CHODL: variants seen among roughly 807,000 people sequenced by gnomAD.
The protein encoded by CHODL is transmembrane protein MT75.
CHODL carries 29 observed loss-of-function variants against 34.5 expected under a neutral mutation model. The observed-to-expected ratio is 0.84, with a 90% CI of 0.63 to 1.15. CHODL has a LOEUF of 1.15. Ranked by LOEUF, CHODL falls within the 50% of genes most tolerant of loss-of-function variation. The pLI is 0.00. For missense variants in CHODL, 332 were observed against 332.5 expected (o/e 1.00, Z 0.01); for synonymous variants, 125 against 116.1 (o/e 1.08, Z -0.49).
intron 2 of CHODL, among the ~76,000 whole-genome samples, chr21:18,116,000 A>T (rs1262919031): frequency 1.3e-5 from 2 of 151,314 alleles, no homozygotes; most frequent in Non-Finnish European, 2.9e-5. Flanking sequence ...CTGCTTTTTT[A>T]CTTTAGATTT....
At chr21:18,265,926 A>G (rs1601232613) in intron 5 of CHODL, 28 bp from the exon 6 acceptor site, 2 of 1,593,862 alleles carry the variant, frequency 1.3e-6, no homozygotes, top group Middle Eastern at 1.7e-4. Context: ...AATTTTAGGC[A>G]CTAAACATTT....
chr21:18,241,528 G>A (rs2074082169), upstream of CHODL, among the ~76,000 whole-genome samples: 1 of 152,138 alleles, frequency 6.6e-6, no homozygotes, highest in South Asian at 2.1e-4. Context: ...TGTTCGATCT[G>A]GAGCGCAAAT....
At chr21:18,002,387 C>T (rs1447674750) in intron 1 of CHODL, among the ~76,000 whole-genome samples, 4 of 152,184 alleles carry the variant, frequency 2.6e-5, no homozygotes, top group Non-Finnish European at 4.4e-5. Flanking sequence ...CTTCCATTTT[C>T]TCTTAGTTCT....
chr21:18,116,753 GTGAA>G (rs2065418009), intron 2 of CHODL, among the ~76,000 whole-genome samples: 2 of 152,160 alleles, frequency 1.3e-5, no homozygotes, highest in African/African-American at 4.8e-5. Context: ...AAGGGTGTGG[GTGAA>G]TCAGAAGACG....
intron 1 of CHODL, among the ~76,000 whole-genome samples, chr21:18,001,124 G>A (rs993443328): frequency 5.9e-5 from 9 of 152,226 alleles, no homozygotes; most frequent in Non-Finnish European, 1.3e-4. Flanking sequence ...TGTAACATGG[G>A]ATGTGGGTGT....
intron 2 of CHODL, among the ~76,000 whole-genome samples, chr21:18,229,411 TGG>T (rs2073959489): frequency 6.6e-6 from 1 of 152,176 alleles, no homozygotes; most frequent in Admixed American, 6.6e-5. Context: ...TCGATATATC[TGG>T]CATTCTGAGA....
intron 1 of CHODL, among the ~76,000 whole-genome samples, chr21:18,021,301 G>T (rs955841726): frequency 5.3e-5 from 8 of 152,146 alleles, no homozygotes; most frequent in Non-Finnish European, 7.3e-5. Flanking sequence ...TAATTCTTGA[G>T]GCTAAGTGAC....
intron 2 of CHODL, among the ~76,000 whole-genome samples, chr21:18,100,534 T>C (rs2146543713): frequency 6.6e-6 from 1 of 152,260 alleles, no homozygotes; most frequent in Admixed American, 6.5e-5. Flanking sequence ...CTAATGTTCA[T>C]AGATAAGTAT....
At chr21:18,084,651 T>A (rs560693199) in intron 2 of CHODL, among the ~76,000 whole-genome samples, 75 of 152,162 alleles carry the variant, frequency 4.9e-4, no homozygotes, top group East Asian at 1.9e-3. Flanking sequence ...ATTTTGATTT[T>A]AAAAAAAAAC....
chr21:18,200,377 C>A (rs1468707019), intron 2 of CHODL, among the ~76,000 whole-genome samples: 3 of 152,080 alleles, frequency 2.0e-5, no homozygotes, highest in Non-Finnish European at 4.4e-5. Context: ...AAGATAATAA[C>A]CTTAAAGCTG....
chr21:17,950,534 A>ACT (rs1376105729), intron 1 of CHODL, among the ~76,000 whole-genome samples: 1 of 117,826 alleles, frequency 8.5e-6, no homozygotes, highest in Non-Finnish European at 1.8e-5. Flanking sequence ...ACACACACAC[A>ACT]CTTCTTTAAA....
intron 1 of CHODL, among the ~76,000 whole-genome samples, chr21:17,983,914 G>T (rs947471656): frequency 7.2e-4 from 14 of 19,544 alleles, no homozygotes; most frequent in Middle Eastern, 0.11. Context: ...TGTGTGTGTG[G>T]GGGGGGTGGG....
chr21:17,926,372 G>A (rs1658185121), intron 1 of CHODL, among the ~76,000 whole-genome samples: 1 of 125,844 alleles, frequency 7.9e-6, no homozygotes, highest in African/African-American at 3.2e-5. Flanking sequence ...AATAAATAAG[G>A]TGGGTTTTTT....
intron 2 of CHODL, among the ~76,000 whole-genome samples, chr21:18,199,592 A>G (rs777604753): frequency 1.3e-5 from 2 of 152,072 alleles, no homozygotes; most frequent in Non-Finnish European, 2.9e-5. Context: ...TACCTAAAAA[A>G]TCCCCTTTGT....
At chr21:18,030,719 A>G (rs1238670115) in intron 2 of CHODL, among the ~76,000 whole-genome samples, 1 of 152,134 alleles carries the variant, frequency 6.6e-6, no homozygotes, top group Non-Finnish European at 1.5e-5. Context: ...AGGATTCTGG[A>G]AAAAAATCCT....
chr21:17,949,087 C>T (rs2063435883), intron 1 of CHODL, among the ~76,000 whole-genome samples: 1 of 152,124 alleles, frequency 6.6e-6, no homozygotes, highest in South Asian at 2.1e-4. Context: ...GTTTTATGGG[C>T]CCCTGAGTGT....
chr21:18,056,882 T>C (rs1445852488), intron 2 of CHODL, among the ~76,000 whole-genome samples: 3 of 152,084 alleles, frequency 2.0e-5, no homozygotes, highest in African/African-American at 4.8e-5. Flanking sequence ...AGGGAGTTGT[T>C]TTCCTGTTTG....
intron 2 of CHODL, among the ~76,000 whole-genome samples, chr21:18,099,641 G>T (rs1166190447): frequency 1.3e-5 from 2 of 151,968 alleles, no homozygotes; most frequent in African/African-American, 4.8e-5. Flanking sequence ...CTGAATGCTG[G>T]AAGCCAAGCA....
Position 18,267,288 on chromosome 21 carries a change from C to CTCAAGAGAAAGTTG in CHODL, c.*1252_*1265dup, listed in dbSNP as rs1360307105. 2.6e-5 allele frequency: 4 copies of CTCAAGAGAAAGTTG among 152,180 alleles called. No homozygotes were observed. The East Asian group carries it at 7.7e-4, about 29-fold the overall frequency. 9.4% of individuals were successfully genotyped at this position (152,180 alleles called of 1,614,324 possible). On this transcript the variant is annotated 3_prime_UTR_variant, in exon 6 of 6. Transcript: ENST00000299295. Reference sequence around the variant, plus strand: ...TCTTCAATGCTTACGCCTTGTTCTTCTCAAGAGAAAGTTGTAACTCTCTGG... The same window carrying CTCAAGAGAAAGTTG: ...TCTTCAATGCTTACGCCTTGTTCTTCTCAAGAGAAAGTTGTCAAGAGAAAGTTGTAACTCTCTGG...
Sources: allele counts gnomAD v4.1 joint callset (sites outside exome capture counted in the v4.1 genomes callset), GRCh38; gene constraint gnomAD v4.1.1; transcripts MANE v1.5; gene names NCBI Gene and HGNC (gene_info 2026-07-23, HGNC 2026-07-21).